Variants in ARHGAP35 observed in about 807,000 individuals in gnomAD.
The protein encoded by ARHGAP35 is Rho GTPase activating protein 35, also known as rho GTPase-activating protein 35.
In ARHGAP35, 15 loss-of-function variants were observed where a neutral mutation model predicts 111.1. The ratio of observed to expected loss-of-function variants is 0.13; its 90% confidence interval spans 0.09 to 0.21. ARHGAP35 has a LOEUF of 0.21. ARHGAP35 is among the 10% of genes least tolerant of loss of function. ARHGAP35 has a pLI of 1.00. For synonymous variants in ARHGAP35, 643 were observed against 710.3 expected (o/e 0.91, Z 1.51); for missense variants, 1,262 against 1,873.0 (o/e 0.67, Z 6.02).
chr19:46,869,154 GC>G (rs1418828677), intron 1 of ARHGAP35, among the ~76,000 whole-genome samples: 1 of 152,040 alleles, frequency 6.6e-6, no homozygotes, highest in Non-Finnish European at 1.5e-5. Flanking sequence ...TGATCCACCT[GC>G]CTTGGCCTCC....
At position 46,956,956 on chromosome 19, in the gene ARHGAP35, C is replaced by CTTT. The variant is rs11449203; in HGVS notation, c.3826+19567_3826+19569dup. 7.8e-3 allele frequency among the ~76,000 whole-genome samples: 839 copies of CTTT among 107,546 alleles called. 17 individuals are homozygous for CTTT. Among genetic ancestry groups the CTTT allele is most frequent in the Middle Eastern group, 0.014 (2 of 142 alleles). The allele number at this position is 107,546 out of a possible 152,430, so 70.6% of individuals were successfully genotyped here. On this transcript the variant is annotated intron_variant, in intron 3 of 6. Transcript: ENST00000672722. The stretch of plus-strand genomic sequence containing the variant: ...TATCATTAGCTGTTCTTAAAGCAGA[C>CTTT]TTTTTTTTTTTTTTTTTTTTTGAGA...
chr19:46,915,549 T>G (rs1310835805), intron 1 of ARHGAP35, among the ~76,000 whole-genome samples: 2 of 152,212 alleles, frequency 1.3e-5, no homozygotes, highest in Non-Finnish European at 2.9e-5. Flanking sequence ...TCAGTCAGAA[T>G]AATGCGTGGT....
At chr19:46,888,127 T>C (rs1243253676) in intron 1 of ARHGAP35, among the ~76,000 whole-genome samples, 2 of 150,140 alleles carry the variant, frequency 1.3e-5, no homozygotes, top group African/African-American at 2.4e-5. Flanking sequence ...AATTTTTTTG[T>C]ATTTTTAGTA....
At chr19:46,876,904 A>G (rs947485903) in intron 1 of ARHGAP35, among the ~76,000 whole-genome samples, 2 of 152,328 alleles carry the variant, frequency 1.3e-5, no homozygotes, top group South Asian at 4.1e-4. Context: ...AATAAAGCAT[A>G]TATGGCAATA....
At chr19:46,896,318 T>C (rs777979468) in intron 1 of ARHGAP35, among the ~76,000 whole-genome samples, 1 of 152,196 alleles carries the variant, frequency 6.6e-6, no homozygotes, top group Middle Eastern at 3.2e-3. Flanking sequence ...AGGTCAAGGC[T>C]GCAGTGAGTG....
intron 1 of ARHGAP35, among the ~76,000 whole-genome samples, chr19:46,916,820 GT>G (rs745676161): frequency 7.9e-5 from 12 of 151,846 alleles, no homozygotes; most frequent in Non-Finnish European, 1.5e-4. Flanking sequence ...AGTGGGATCA[GT>G]TACGTACATT....
At chr19:46,877,662 A>G (rs904735499) in intron 1 of ARHGAP35, among the ~76,000 whole-genome samples, 9 of 152,150 alleles carry the variant, frequency 5.9e-5, no homozygotes, top group African/African-American at 2.2e-4. Flanking sequence ...AAAAAAGTAT[A>G]TACCTTAATT....
At chr19:46,990,294 C>T (rs1195645674) in intron 5 of ARHGAP35, among the ~76,000 whole-genome samples, 1 of 152,232 alleles carries the variant, frequency 6.6e-6, no homozygotes, top group African/African-American at 2.4e-5. Context: ...CACCTTGCCT[C>T]ATCAGTTGTT....
At chr19:46,942,815 C>CAA (rs1241909711) in intron 3 of ARHGAP35, among the ~76,000 whole-genome samples, 706 of 40,908 alleles carry the variant, frequency 0.017, 43 homozygotes, top group African/African-American at 0.034. Flanking sequence ...GACCCTGTCT[C>CAA]AGAAAAAAAA....
chr19:46,954,703 A>G (rs1312701556), intron 3 of ARHGAP35, among the ~76,000 whole-genome samples: 1 of 152,242 alleles, frequency 6.6e-6, no homozygotes, highest in Non-Finnish European at 1.5e-5. Flanking sequence ...GTAGCCTCCC[A>G]ACAGTTTTTA....
intron 1 of ARHGAP35, among the ~76,000 whole-genome samples, chr19:46,897,709 A>T (rs939675364): frequency 2.2e-4 from 34 of 151,492 alleles, no homozygotes; most frequent in African/African-American, 8.2e-4. Context: ...AAAAAAAAAA[A>T]AGAGGCCCTA....
intron 1 of ARHGAP35, among the ~76,000 whole-genome samples, chr19:46,892,810 C>T (rs1452380317): frequency 6.6e-6 from 1 of 152,074 alleles, no homozygotes; most frequent in Non-Finnish European, 1.5e-5. Flanking sequence ...TGCACTGTAC[C>T]TTGCAATCAG....
At chr19:46,924,081 G>A (rs1021007312) in intron 2 of ARHGAP35, among the ~76,000 whole-genome samples, 2 of 152,020 alleles carry the variant, frequency 1.3e-5, no homozygotes, top group East Asian at 3.9e-4. Flanking sequence ...TCACGTTAAA[G>A]CTTTTGCTAC....
Position 46,992,287 on chromosome 19 carries a change from C to CT in ARHGAP35, c.4036+2613dup, listed in dbSNP as rs2056683349. On this transcript the variant is annotated intron_variant, in intron 5 of 6. Transcript: ENST00000672722. The surrounding 1 kb of genome is among the most constrained non-coding windows in gnomAD (Gnocchi z 4.4). ...ATACAGCCTGCCCAGGGTCACACCG[C>CT]TAGGGAGTGGCAAGCCGGGGCTTGA... Among the ~76,000 whole-genome samples the CT allele has an allele frequency of 6.6e-6, 1 of 152,170 alleles. No individual in the cohort carries two copies. The highest frequency in any genetic ancestry group is 2.4e-5 in the African/African-American group (1 of 41,428).
intron 1 of ARHGAP35, among the ~76,000 whole-genome samples, chr19:46,887,380 T>C (rs1349995445): frequency 2.6e-5 from 4 of 152,210 alleles, no homozygotes; most frequent in African/African-American, 9.7e-5. Context: ...GTCTGTAGTT[T>C]AGTTTTTTGT....
intron 3 of ARHGAP35, among the ~76,000 whole-genome samples, chr19:46,969,943 A>G (rs2056535755): frequency 6.6e-6 from 1 of 152,130 alleles, no homozygotes; most frequent in East Asian, 1.9e-4. Context: ...CACTGCCACC[A>G]CGCTGCCTTT....
At chr19:46,915,977 A>G (rs1211729271) in intron 1 of ARHGAP35, among the ~76,000 whole-genome samples, 1 of 129,120 alleles carries the variant, frequency 7.7e-6, no homozygotes, top group Non-Finnish European at 1.6e-5. Context: ...GCTCTGTCGC[A>G]CAGGCTGGAG....
chr19:46,938,709 G>C (rs900907037), intron 3 of ARHGAP35, among the ~76,000 whole-genome samples: 2 of 149,818 alleles, frequency 1.3e-5, no homozygotes, highest in African/African-American at 4.9e-5. Context: ...CCAAGCTGGA[G>C]TGCAGTGGCA....
At chr19:46,886,264 A>G (rs1250228985) in intron 1 of ARHGAP35, among the ~76,000 whole-genome samples, 2 of 152,222 alleles carry the variant, frequency 1.3e-5, no homozygotes, top group Non-Finnish European at 2.9e-5. Context: ...GGTAACCACC[A>G]GTCACGTGTT....
Sources: gnomAD v4.1 joint callset for allele counts (sites outside exome capture counted in the v4.1 genomes callset) on GRCh38, gnomAD v4.1.1 for gene constraint, Gnocchi (gnomAD v3.1) non-coding constraint, MANE v1.5 for transcripts, NCBI Gene and HGNC (gene_info 2026-07-23, HGNC 2026-07-21) for gene names.